Variants in TOR1AIP2 observed in about 807,000 individuals in gnomAD.
TOR1AIP2 encodes the protein torsin-1A-interacting protein 2.
Under a neutral mutation model 32.6 loss-of-function variants are expected in TOR1AIP2, and 20 were observed. That is an observed-to-expected ratio of 0.61 (90% CI 0.43 to 0.89). The LOEUF (loss-of-function observed/expected upper bound fraction) is 0.89, where lower values mean the gene tolerates loss of function less well. Ranked by LOEUF, TOR1AIP2 falls within the 40% of genes least tolerant of loss-of-function variation. TOR1AIP2 has a pLI of 0.00. For missense variants in TOR1AIP2, 456 were observed against 553.8 expected (o/e 0.82, Z 1.77); for synonymous variants, 214 against 210.8 (o/e 1.02, Z -0.13).
In TOR1AIP2 at chr1:179,846,787, T is replaced by C. The variant is rs146267795; in HGVS notation, c.697A>G (p.Ser233Gly). 4.3e-6 allele frequency: 7 copies of C among 1,610,068 alleles called. No individual in the cohort carries two copies. The Admixed American group carries it at 5.0e-5, about 12-fold the overall frequency. The change falls in exon 7 of 7, where the codon AGT becomes GGT. Residue 233 changes from serine (S) to glycine (G), a missense_variant. Physicochemically the swap from Ser to Gly is moderately conservative, Grantham distance 56. Coordinates refer to ENST00000609928, the MANE Select transcript of TOR1AIP2 (RefSeq NM_001199260.2). ...LVVLVVAVVA[S>G]SVNSYYSSPA... ...GAGGAATAGTAGCTATTCACAGAAC[T>C]TGCCACAACAGCCACAACCAGGACG...
chr1:179,860,836 G>A, intron 3 of TOR1AIP2: 1 of 985,450 alleles, frequency 1.0e-6, no homozygotes, highest in Non-Finnish European at 1.2e-6. Context: ...CAGGGAGACT[G>A]GAGAGATGAA....
At chr1:179,876,083 G>A (rs1486003915) in intron 2 of TOR1AIP2, 1 of 152,148 alleles carries the variant, frequency 6.6e-6, no homozygotes, top group Non-Finnish European at 1.5e-5. Flanking sequence ...AGTTGACTTA[G>A]TGAACAACCT....
intron 3 of TOR1AIP2, among the ~76,000 whole-genome samples, chr1:179,858,255 C>T (rs537744024): frequency 6.6e-6 from 1 of 152,086 alleles, no homozygotes; most frequent in African/African-American, 2.4e-5. Context: ...TTTGTCACTA[C>T]AGAGTGATAT....
rs1175264687 is a variant in TOR1AIP2, at chr1:179,843,817, T to C, written c.*2254A>G. 5 of 85,112 alleles carry C rather than the reference T, an allele frequency of 5.9e-5. No individual in the cohort carries two copies. The highest frequency in any genetic ancestry group is 8.0e-5 in the Non-Finnish European group (4 of 50,178). 5.3% of individuals were successfully genotyped at this position (85,112 alleles called of 1,614,324 possible). On this transcript the variant is annotated 3_prime_UTR_variant, in exon 7 of 7. Coordinates refer to ENST00000609928, the MANE Select transcript of TOR1AIP2 (RefSeq NM_001199260.2). ...GCCTGGGAGTCAGAGTGAGACTCCATCTCAAAAAAAAAAAAAAAAAAAAAA... is the reference window on the plus strand; with the variant it reads ...GCCTGGGAGTCAGAGTGAGACTCCACCTCAAAAAAAAAAAAAAAAAAAAAA...
rs1696089477 is a variant in TOR1AIP2, at chr1:179,850,870, T to A, written c.528A>T (p.Thr176=). The part of the protein sequence containing the change: ...HSSAGQEGED[T]LRRRLLAPEA... Reference sequence around the variant, plus strand: ...CTGGGGCCAGCAGTCGCCTCCTCAGTGTATCCTCACCCTCTTGCCCTGCAC... The same window carrying A: ...CTGGGGCCAGCAGTCGCCTCCTCAGAGTATCCTCACCCTCTTGCCCTGCAC... Residue 176 remains threonine, a synonymous_variant, in exon 5 of 7, where the codon ACA becomes ACT. Transcript: ENST00000609928. The A allele has an allele frequency of 5.6e-6, 9 of 1,613,900 alleles. No individual in the cohort carries two copies. In the African/African-American group the frequency reaches 9.3e-5, roughly 17 times the overall value.
chr1:179,855,065 G>T (rs533480478), intron 3 of TOR1AIP2, among the ~76,000 whole-genome samples: 3 of 152,094 alleles, frequency 2.0e-5, no homozygotes, highest in African/African-American at 2.4e-5. Flanking sequence ...CAAATAGGGG[G>T]AAAAATTAGA....
At chr1:179,867,413 T>C (rs1230497663) in intron 2 of TOR1AIP2, 1 of 152,214 alleles carries the variant, frequency 6.6e-6, no homozygotes, top group Non-Finnish European at 1.5e-5. Context: ...GAGGGTCTGC[T>C]GACAAGAGCT....
chr1:179,864,801 TTTTG>T, intron 3 of TOR1AIP2: 1 of 1,599,942 alleles, frequency 6.3e-7, no homozygotes, highest in Non-Finnish European at 8.5e-7. Context: ...TGGCCCAGTT[TTTTG>T]TTTAAGGTTT....
intron 3 of TOR1AIP2, chr1:179,865,176 T>C: frequency 6.3e-7 from 1 of 1,595,444 alleles, no homozygotes; most frequent in Non-Finnish European, 8.5e-7. Flanking sequence ...TCTGAAAACA[T>C]CTGGACCTAG....
chr1:179,860,225 A>G (rs1305648428), intron 3 of TOR1AIP2: 5 of 984,918 alleles, frequency 5.1e-6, no homozygotes, highest in Non-Finnish European at 6.0e-6. Context: ...GCTCATGCCT[A>G]TAATCCCAGC....
chr1:179,847,286 T>C (rs547478613), intron 6 of TOR1AIP2, among the ~76,000 whole-genome samples: 1 of 152,346 alleles, frequency 6.6e-6, no homozygotes, highest in Non-Finnish European at 1.5e-5. Flanking sequence ...TTGTTTCTTG[T>C]TTAGGAAAAG....
chr1:179,866,344 TA>T (rs1018343543), intron 2 of TOR1AIP2, among the ~76,000 whole-genome samples: 3 of 151,630 alleles, frequency 2.0e-5, no homozygotes, highest in African/African-American at 4.8e-5. Context: ...TTTTGAAGGC[TA>T]AAAAAAAGTC....
chr1:179,876,665 T>C (rs1571710921), intron 2 of TOR1AIP2, among the ~76,000 whole-genome samples: 1 of 150,718 alleles, frequency 6.6e-6, no homozygotes, highest in African/African-American at 2.4e-5. Context: ...TCAAAAAACA[T>C]GGATAACTGC....
At chr1:179,856,362 A>C (rs1478396701) in intron 3 of TOR1AIP2, among the ~76,000 whole-genome samples, 1 of 152,216 alleles carries the variant, frequency 6.6e-6, no homozygotes, top group East Asian at 1.9e-4. Context: ...AAGAATCTGC[A>C]AAGGTGCCAT....
intron 2 of TOR1AIP2, among the ~76,000 whole-genome samples, chr1:179,870,546 T>C (rs1457022999): frequency 2.0e-5 from 3 of 152,200 alleles, no homozygotes; most frequent in Non-Finnish European, 4.4e-5. Flanking sequence ...AGGTAACTTT[T>C]TTCCAATCCC....
intron 5 of TOR1AIP2, among the ~76,000 whole-genome samples, chr1:179,849,320 C>T (rs1696032997): frequency 6.6e-6 from 1 of 152,086 alleles, no homozygotes; most frequent in South Asian, 2.1e-4. Flanking sequence ...AATTTCGGCT[C>T]ACCACAGCTT....
At chr1:179,856,224 T>G (rs915690304) in intron 3 of TOR1AIP2, among the ~76,000 whole-genome samples, 2 of 152,216 alleles carry the variant, frequency 1.3e-5, no homozygotes, top group Non-Finnish European at 2.9e-5. Context: ...TGGTTCCATT[T>G]GTTATCAAAC....
intron 2 of TOR1AIP2, among the ~76,000 whole-genome samples, chr1:179,876,786 T>C (rs1192028014): frequency 6.6e-6 from 1 of 152,192 alleles, no homozygotes. Context: ...AACTCATTTC[T>C]GGATCTGTGT....
chr1:179,853,430 C>T (rs575319197), intron 3 of TOR1AIP2, among the ~76,000 whole-genome samples: 1 of 152,098 alleles, frequency 6.6e-6, no homozygotes, highest in Non-Finnish European at 1.5e-5. Context: ...TTAAGGTTTA[C>T]ACAAAAGGAA....
Sources: gnomAD v4.1 joint callset for allele counts (sites outside exome capture counted in the v4.1 genomes callset) on GRCh38, gnomAD v4.1.1 for gene constraint, MANE v1.5 for transcripts, NCBI Gene and HGNC (gene_info 2026-07-23, HGNC 2026-07-21) for gene names.